The following KPNA6 variants were observed in gnomAD, a reference collection of about 807,000 sequenced individuals.
The protein encoded by KPNA6 is karyopherin subunit alpha 6, also known as importin subunit alpha-7.
KPNA6 carries 9 observed loss-of-function variants against 72.0 expected under a neutral mutation model. The ratio of observed to expected loss-of-function variants is 0.13; its 90% confidence interval spans 0.08 to 0.22. The LOEUF (loss-of-function observed/expected upper bound fraction) is 0.22. KPNA6 is among the 10% of genes least tolerant of loss of function. The pLI is 1.00. For missense variants in KPNA6, 374 were observed against 655.7 expected (o/e 0.57, Z 4.69); for synonymous variants, 219 against 242.1 (o/e 0.90, Z 0.89).
At chr1:32,155,915 ATTTTTTT>A (rs747284319) in intron 2 of KPNA6, among the ~76,000 whole-genome samples, 2,700 of 105,010 alleles carry the variant, frequency 0.026, 35 homozygotes, top group Middle Eastern at 0.093. Flanking sequence ...ATTTTTGTGG[ATTTTTTT>A]TTTTTTTTTT....
intron 12 of KPNA6, among the ~76,000 whole-genome samples, chr1:32,167,984 A>G (rs1642370398): frequency 1.3e-5 from 2 of 152,104 alleles, no homozygotes; most frequent in South Asian, 4.1e-4. Flanking sequence ...TGGGCAACAT[A>G]GGGACTTTGT....
chr1:32,157,272 G>A (rs755478939), intron 3 of KPNA6, 74 bp from the exon 4 acceptor site: 76 of 1,122,410 alleles, frequency 6.8e-5, no homozygotes, highest in Non-Finnish European at 9.2e-5. Flanking sequence ...AAAACAGGAT[G>A]CCAAGCAGTA....
At chr1:32,134,409 G>A (rs1234992260) in intron 1 of KPNA6, among the ~76,000 whole-genome samples, 1 of 151,788 alleles carries the variant, frequency 6.6e-6, no homozygotes, top group Admixed American at 6.6e-5. Flanking sequence ...AGGAGGCTGA[G>A]GCAGGAAGAT....
At chr1:32,154,482 TC>T in intron 1 of KPNA6, 105 bp from the exon 2 acceptor site, 1 of 1,174,636 alleles carries the variant, frequency 8.5e-7, no homozygotes, top group Non-Finnish European at 1.2e-6. Flanking sequence ...AGAGCTGTAT[TC>T]CCCCCAGAGT....
intron 1 of KPNA6, among the ~76,000 whole-genome samples, chr1:32,119,544 C>T (rs996156591): frequency 6.6e-6 from 1 of 152,128 alleles, no homozygotes; most frequent in African/African-American, 2.4e-5. Context: ...AAACCTCTTT[C>T]TGGTGAAGTC....
At chr1:32,116,421 G>C (rs1172807693) in intron 1 of KPNA6, among the ~76,000 whole-genome samples, 3 of 152,052 alleles carry the variant, frequency 2.0e-5, no homozygotes, top group Non-Finnish European at 2.9e-5. Context: ...CACTTTGGGA[G>C]GCCCAGGCAG....
At chr1:32,153,571 CAAAAA>C (rs554895996) in intron 1 of KPNA6, among the ~76,000 whole-genome samples, 8 of 60,444 alleles carry the variant, frequency 1.3e-4, no homozygotes, top group Non-Finnish European at 3.0e-4. Context: ...AACTCTGTCT[CAAAAA>C]AAAAAAAAAA....
intron 9 of KPNA6, 58 bp downstream of exon 9, chr1:32,162,582 A>C: frequency 6.3e-7 from 1 of 1,590,224 alleles, no homozygotes; most frequent in African/African-American, 1.3e-5. Context: ...TATGCTTATA[A>C]TCCCAGCACT....
intron 1 of KPNA6, among the ~76,000 whole-genome samples, chr1:32,118,054 C>T (rs537603248): frequency 6.6e-6 from 1 of 152,210 alleles, no homozygotes; most frequent in East Asian, 1.9e-4. Context: ...TCCTGAGTAA[C>T]TGGGATTACA....
At chr1:32,120,223 T>C (rs1641407677) in intron 1 of KPNA6, among the ~76,000 whole-genome samples, 2 of 152,010 alleles carry the variant, frequency 1.3e-5, no homozygotes, top group South Asian at 4.1e-4. Flanking sequence ...TTTTACAAAA[T>C]TATATGTATT....
intron 9 of KPNA6, among the ~76,000 whole-genome samples, chr1:32,162,996 C>T (rs868575695): frequency 9.6e-5 from 13 of 135,766 alleles, no homozygotes; most frequent in African/African-American, 2.5e-4. Flanking sequence ...CCCAGCTACT[C>T]GGGAGGCTGA....
At chr1:32,166,435 G>A (rs900397663) in intron 11 of KPNA6, among the ~76,000 whole-genome samples, 4 of 151,944 alleles carry the variant, frequency 2.6e-5, no homozygotes, top group African/African-American at 9.7e-5. Context: ...GACCATCCTG[G>A]CCAACATGGT....
At chr1:32,116,005 A>G (rs560225329) in intron 1 of KPNA6, among the ~76,000 whole-genome samples, 3 of 152,042 alleles carry the variant, frequency 2.0e-5, no homozygotes, top group South Asian at 2.1e-4. Context: ...CAGCCTCCCA[A>G]AGTCTTGGGA....
chr1:32,157,002 G>A (rs1642157044), intron 3 of KPNA6, 57 bp downstream of exon 3: 2 of 1,300,352 alleles, frequency 1.5e-6, no homozygotes, highest in Admixed American at 3.7e-5. Flanking sequence ...TCTAAGGACA[G>A]AAATTGGGCC....
At position 32,167,288 on chromosome 1, in the gene KPNA6, G is replaced by A; in HGVS notation, c.1236G>A (p.Glu412=). The change falls in exon 12 of 14, where the codon GAG becomes GAA. Residue 412 remains glutamate, a synonymous_variant. Transcript: ENST00000373625. ...ITNATSGGTP[E]QIRYLVSLGC... ...ATGCCACATCAGGAGGAACCCCTGA[G>A]CAGATCAGGTATTACATTCCTTTCC... The A allele has an allele frequency of 6.2e-7, 1 of 1,614,066 alleles. No homozygotes were observed. The highest frequency in any genetic ancestry group is 8.5e-7 in the Non-Finnish European group (1 of 1,179,976).
At chr1:32,109,949 C>T (rs1258409700) in intron 1 of KPNA6, among the ~76,000 whole-genome samples, 1 of 152,042 alleles carries the variant, frequency 6.6e-6, no homozygotes, top group Non-Finnish European at 1.5e-5. Context: ...GCCACCATGC[C>T]CGGCCACTTT....
intron 8 of KPNA6, 103 bp from the exon 9 acceptor site, chr1:32,162,258 T>C (rs1642252353): frequency 8.9e-7 from 1 of 1,123,488 alleles, no homozygotes; most frequent in Admixed American, 2.2e-5. Flanking sequence ...TGGAATTACT[T>C]GTGTGTGTGT....
chr1:32,128,410 T>TATATAC (rs1641576445), intron 1 of KPNA6, among the ~76,000 whole-genome samples: 1 of 131,158 alleles, frequency 7.6e-6, no homozygotes, highest in Non-Finnish European at 1.6e-5. Context: ...TATATATATA[T>TATATAC]ATATATATAT....
chr1:32,114,632 C>T (rs1428622703), intron 1 of KPNA6, among the ~76,000 whole-genome samples: 2 of 152,028 alleles, frequency 1.3e-5, no homozygotes, highest in African/African-American at 4.8e-5. Flanking sequence ...TGCATTAGCC[C>T]ATAACAAGAG....
Sources: gnomAD v4.1 joint callset for allele counts (sites outside exome capture counted in the v4.1 genomes callset) on GRCh38, gnomAD v4.1.1 for gene constraint, MANE v1.5 for transcripts, NCBI Gene and HGNC (gene_info 2026-07-23, HGNC 2026-07-21) for gene names.